The following CFAP299 variants were observed in gnomAD, a reference collection of about 807,000 sequenced individuals.
CFAP299 encodes cilia and flagella associated protein 299.
Under a neutral mutation model 27.0 loss-of-function variants are expected in CFAP299, and 21 were observed. That is an observed-to-expected ratio of 0.78 (90% CI 0.55 to 1.12). The LOEUF (loss-of-function observed/expected upper bound fraction) is 1.12, where lower values mean the gene tolerates loss of function less well. Among genes scored for constraint, CFAP299 ranks in the 50% most tolerant of loss-of-function variants. The probability of loss-of-function intolerance (pLI) is 0.00; values close to 1 mark genes in which losing one functional copy is unlikely to be tolerated. For synonymous variants in CFAP299, 104 were observed against 98.1 expected, an observed-to-expected ratio of 1.06 and a Z score of -0.36; for missense variants, 310 against 276.6, an observed-to-expected ratio of 1.12 and a Z score of -0.86.
intron 2 of CFAP299, among the ~76,000 whole-genome samples, chr4:80,552,302 A>G (rs978439724): frequency 1.3e-5 from 2 of 152,186 alleles, no homozygotes; most frequent in Non-Finnish European, 2.9e-5. Flanking sequence ...TGATTGGGAA[A>G]TTGTAAATAG....
At chr4:80,548,934 C>CA (rs1734372355) in intron 2 of CFAP299, among the ~76,000 whole-genome samples, 1 of 151,300 alleles carries the variant, frequency 6.6e-6, no homozygotes, top group Non-Finnish European at 1.5e-5. Context: ...GTTAGGGAGA[C>CA]AAAAAAAATT....
At position 80,440,386 on chromosome 4, in the gene CFAP299, C is replaced by G. The variant is rs371016359; in HGVS notation, c.242+77502C>G. Among the ~76,000 whole-genome samples the G allele has an allele frequency of 3.3e-5, 5 of 152,128 alleles. No individual in the cohort carries two copies. In the East Asian group the frequency reaches 5.8e-4, roughly 18 times the overall value. The stretch of plus-strand genomic sequence containing the variant: ...GCAGCAATCTTTGCTGCTCTGTAGC[C>G]TCCTCTGGTGTTACTCAGGCAAACA... On this transcript the variant is annotated intron_variant, in intron 2 of 5. Transcript: ENST00000358105.
At chr4:80,417,059 A>G (rs1310767763) in intron 2 of CFAP299, among the ~76,000 whole-genome samples, 2 of 152,212 alleles carry the variant, frequency 1.3e-5, no homozygotes, top group African/African-American at 4.8e-5. Flanking sequence ...TATATGCTAA[A>G]CAAGGGGTGG....
intron 3 of CFAP299, among the ~76,000 whole-genome samples, chr4:80,705,770 A>T (rs1721784731): frequency 6.6e-6 from 1 of 151,904 alleles, no homozygotes; most frequent in Non-Finnish European, 1.5e-5. Context: ...TAACAATTGG[A>T]GACTGATGAA....
intron 3 of CFAP299, among the ~76,000 whole-genome samples, chr4:80,654,751 G>A (rs1423385918): frequency 6.6e-6 from 1 of 150,900 alleles, no homozygotes; most frequent in African/African-American, 2.4e-5. Flanking sequence ...GGGACTATAG[G>A]CATGCATGCC....
chr4:80,476,629 T>TGGG lies in CFAP299; in HGVS notation c.243-106461_243-106459dup, dbSNP rs993217936. On this transcript the variant is annotated intron_variant, in intron 2 of 5. Transcript: ENST00000358105. ...CACTTTATAATTTTTATACCAACTC[T>TGGG]GGGGGTCTAAATGGGTCCCCATGAT... 1.4e-4 allele frequency among the ~76,000 whole-genome samples: 21 copies of TGGG among 152,294 alleles called. No individual in the cohort carries two copies. In the Middle Eastern group the frequency reaches 0.014, roughly 99 times the overall value.
intron 2 of CFAP299, among the ~76,000 whole-genome samples, chr4:80,505,844 A>G (rs1426651246): frequency 6.6e-6 from 1 of 151,922 alleles, no homozygotes; most frequent in African/African-American, 2.4e-5. Flanking sequence ...CTGTAGACCC[A>G]CCTACTTGGG....
At chr4:80,546,202 A>C (rs1013710025) in intron 2 of CFAP299, among the ~76,000 whole-genome samples, 1 of 151,920 alleles carries the variant, frequency 6.6e-6, no homozygotes, top group African/African-American at 2.4e-5. Flanking sequence ...AAGGATGCCT[A>C]CTCTCACCAC....
At chr4:80,337,673 C>T (rs955191458) in intron 1 of CFAP299, among the ~76,000 whole-genome samples, 11 of 152,160 alleles carry the variant, frequency 7.2e-5, no homozygotes, top group Admixed American at 7.2e-4. Flanking sequence ...GCTGGAATTA[C>T]AGGTGTGAGC....
At chr4:80,495,082 T>C (rs888961681) in intron 2 of CFAP299, among the ~76,000 whole-genome samples, 1 of 152,196 alleles carries the variant, frequency 6.6e-6, no homozygotes, top group Non-Finnish European at 1.5e-5. Flanking sequence ...AAATCACAGT[T>C]CATATGTTAA....
intron 4 of CFAP299, among the ~76,000 whole-genome samples, chr4:80,899,315 A>G (rs1467327962): frequency 6.6e-6 from 1 of 152,236 alleles, no homozygotes; most frequent in African/African-American, 2.4e-5. Context: ...TACAAGCCTG[A>G]AAGTATTCAA....
intron 5 of CFAP299, among the ~76,000 whole-genome samples, chr4:80,954,700 T>C (rs555562084): frequency 6.6e-6 from 1 of 152,150 alleles, no homozygotes; most frequent in South Asian, 2.1e-4. Flanking sequence ...AACTTATTTT[T>C]AAAATCTGTT....
chr4:80,641,023 T>C (rs1451851583), intron 3 of CFAP299, among the ~76,000 whole-genome samples: 1 of 152,170 alleles, frequency 6.6e-6, no homozygotes, highest in Non-Finnish European at 1.5e-5. Flanking sequence ...TGCCATTAGA[T>C]GAATTACATG....
chr4:80,532,849 G>T (rs1250828370), intron 2 of CFAP299, among the ~76,000 whole-genome samples: 1 of 152,198 alleles, frequency 6.6e-6, no homozygotes, highest in Non-Finnish European at 1.5e-5. Flanking sequence ...AGCTAGCAGT[G>T]ACGGTAGGTC....
At chr4:80,537,485 C>A (rs1304680879) in intron 2 of CFAP299, among the ~76,000 whole-genome samples, 3 of 152,148 alleles carry the variant, frequency 2.0e-5, no homozygotes, top group African/African-American at 7.2e-5. Flanking sequence ...TGTATACATA[C>A]AACAGATTAC....
chr4:80,800,010 A>C (rs1728314861), intron 3 of CFAP299, among the ~76,000 whole-genome samples: 2 of 59,366 alleles, frequency 3.4e-5, no homozygotes, highest in Non-Finnish European at 5.6e-5. Context: ...GATATATAAT[A>C]AGTAATATAT....
chr4:80,446,985 C>A (rs1728645810), intron 2 of CFAP299, among the ~76,000 whole-genome samples: 1 of 152,028 alleles, frequency 6.6e-6, no homozygotes, highest in African/African-American at 2.4e-5. Context: ...TCTCAATCAA[C>A]AAAACTATTC....
rs112010225 is a variant in CFAP299 at position 80,647,214 on chromosome 4, T to C, written c.333+64031T>C. ...ATTATACTCCCAGAACCTAGCACTG[T>C]TGGTTACATGTTTTGGGAGTCAAGA... On this transcript the variant is annotated intron_variant, in intron 3 of 5. Transcript: ENST00000358105. 3.3e-5 allele frequency among the ~76,000 whole-genome samples: 5 copies of C among 152,252 alleles called. 1 individual carries two copies. Among genetic ancestry groups the C allele is most frequent in the African/African-American group, 1.2e-4 (5 of 41,562 alleles).
rs182976407 is a variant in CFAP299 at position 80,660,523 on chromosome 4, G to T, written c.333+77340G>T. Among the ~76,000 whole-genome samples the T allele has an allele frequency of 5.4e-3, 829 of 152,278 alleles. 4 individuals carry two copies. The highest frequency in any genetic ancestry group is 9.2e-3 in the Non-Finnish European group (629 of 68,024). On this transcript the variant is annotated intron_variant, in intron 3 of 5. Transcript: ENST00000358105. ...ACAAGACAAAGATCTATGCTGAAGT[G>T]TTTGCAGATCAAATGAGATATCTTA...
Sources: allele counts gnomAD v4.1 joint callset (sites outside exome capture counted in the v4.1 genomes callset), GRCh38; gene constraint gnomAD v4.1.1; transcripts MANE v1.5; gene names NCBI Gene and HGNC (gene_info 2026-07-23, HGNC 2026-07-21).